RASA2: variants seen among roughly 807,000 people sequenced by gnomAD.
The protein encoded by RASA2 is ras GTPase-activating protein 2.
In RASA2, 155 loss-of-function variants were observed where a neutral mutation model predicts 118.2. That is an observed-to-expected ratio of 1.31 (90% confidence interval 1.15 to 1.50). The LOEUF is 1.50. RASA2 is among the 40% of genes most tolerant of loss of function. RASA2 has a pLI of 0.00. For synonymous variants in RASA2, 353 were observed against 349.1 expected (o/e 1.01, Z -0.12); for missense variants, 1,016 against 1,009.6 (o/e 1.01, Z -0.09).
At chr3:141,575,739 TA>T (rs1456524424) in intron 14 of RASA2, among the ~76,000 whole-genome samples, 1 of 152,228 alleles carries the variant, frequency 6.6e-6, no homozygotes, top group Non-Finnish European at 1.5e-5. Context: ...TTTAGCAGTT[TA>T]ATTCTTGTTT....
At chr3:141,608,724 A>AGT in intron 21 of RASA2, 27 bp downstream of exon 21, 1 of 1,586,094 alleles carries the variant, frequency 6.3e-7, no homozygotes, top group Non-Finnish European at 8.7e-7. Context: ...TTATAAAAGC[A>AGT]GTGTGTCAAA....
At chr3:141,495,311 T>C (rs928176840) in intron 1 of RASA2, among the ~76,000 whole-genome samples, 1 of 152,218 alleles carries the variant, frequency 6.6e-6, no homozygotes, top group Non-Finnish European at 1.5e-5. Context: ...ACTGGGCAGA[T>C]TGGCTCTAGA....
chr3:141,577,139 AT>A (rs2083025873), intron 15 of RASA2, 33 bp downstream of exon 15: 3 of 1,455,844 alleles, frequency 2.1e-6, no homozygotes, highest in South Asian at 2.5e-5. Context: ...GCTTTATTCC[AT>A]TTTTTTAATT....
At chr3:141,574,299 C>T (rs190995492) in intron 14 of RASA2, among the ~76,000 whole-genome samples, 1 of 152,120 alleles carries the variant, frequency 6.6e-6, no homozygotes, top group East Asian at 1.9e-4. Context: ...ATGCCATTCT[C>T]CTGCCTCAGC....
intron 19 of RASA2, among the ~76,000 whole-genome samples, chr3:141,587,845 G>A (rs1489218954): frequency 2.0e-5 from 3 of 150,978 alleles, no homozygotes; most frequent in Admixed American, 6.6e-5. Flanking sequence ...AAATGATCAG[G>A]ATCCAGAGAT....
chr3:141,541,815 T>C (rs1163299547), intron 5 of RASA2, among the ~76,000 whole-genome samples: 1 of 151,806 alleles, frequency 6.6e-6, no homozygotes, highest in African/African-American at 2.4e-5. Flanking sequence ...TAAACCAGTT[T>C]TTTTTTTTTT....
chr3:141,487,077 C>A lies in RASA2; in HGVS notation c.-7C>A. 1 of 1,334,684 alleles carries A rather than the reference C, an allele frequency of 7.5e-7. No homozygotes were observed. The highest frequency in any genetic ancestry group is 1.7e-5 in the South Asian group (1 of 59,096). 82.7% of individuals were successfully genotyped at this position (1,334,684 alleles called of 1,614,324 possible). A position where few individuals can be genotyped will look rare whatever the true frequency, so the allele number is the denominator to read the frequency against. On this transcript the variant is annotated 5_prime_UTR_variant, in exon 1 of 24. Transcript: ENST00000286364. ...CGGCAGGGCTGCGGCACGGGCCGGG[C>A]GGCACCATGGCGGCGGCGGCGCCTG...
intron 20 of RASA2, 129 bp downstream of exon 20, chr3:141,607,889 T>G: frequency 8.9e-7 from 1 of 1,124,658 alleles, no homozygotes; most frequent in Non-Finnish European, 1.2e-6. Flanking sequence ...ATTCAAATTT[T>G]CAAGAAGTTG....
At chr3:141,559,243 T>G (rs2082694241) in intron 8 of RASA2, among the ~76,000 whole-genome samples, 1 of 152,156 alleles carries the variant, frequency 6.6e-6, no homozygotes, top group Non-Finnish European at 1.5e-5. Flanking sequence ...TTCCTTACAT[T>G]TCTGGATTAT....
At chr3:141,534,017 A>G (rs1490704657) in intron 4 of RASA2, among the ~76,000 whole-genome samples, 1 of 152,024 alleles carries the variant, frequency 6.6e-6, no homozygotes, top group Non-Finnish European at 1.5e-5. Flanking sequence ...GATCCTGTTT[A>G]TGGTCCTAGT....
chr3:141,549,472 A>AGTGTGTGTGCGT lies in RASA2; in HGVS notation c.528-4376_528-4375insCGTGTGTGTGTG, dbSNP rs1553790597. On this transcript the variant is annotated intron_variant, in intron 5 of 23. Coordinates refer to ENST00000286364, the MANE Select transcript of RASA2 (RefSeq NM_006506.5). The stretch of plus-strand genomic sequence containing the variant: ...AAAAATAGTGGTAGGAGTGTGTATG[A>AGTGTGTGTGCGT]GTGTGTGTGTGCGTGTGTGTGTGTG... Among the ~76,000 whole-genome samples the AGTGTGTGTGCGT allele has an allele frequency of 2.6e-3, 348 of 134,808 alleles. 1 individual carries two copies. Among genetic ancestry groups the AGTGTGTGTGCGT allele is most frequent in the African/African-American group, 9.5e-3 (329 of 34,776 alleles). The allele number at this position is 134,808 out of a possible 152,430, so 88.4% of individuals were successfully genotyped here. A position where few individuals can be genotyped will look rare whatever the true frequency, so the allele number is the denominator to read the frequency against.
At chr3:141,605,965 G>C (rs962209517) in intron 19 of RASA2, among the ~76,000 whole-genome samples, 1 of 152,146 alleles carries the variant, frequency 6.6e-6, no homozygotes, top group African/African-American at 2.4e-5. Flanking sequence ...CTGCTCTGCA[G>C]CCCAGTATGC....
chr3:141,497,449 G>A (rs1044367041), intron 1 of RASA2, among the ~76,000 whole-genome samples: 5 of 152,066 alleles, frequency 3.3e-5, no homozygotes, highest in Non-Finnish European at 5.9e-5. Context: ...TTAATCTTAA[G>A]CTGTGCCAGT....
At chr3:141,499,502 G>T (rs2081748681) in intron 1 of RASA2, among the ~76,000 whole-genome samples, 1 of 152,156 alleles carries the variant, frequency 6.6e-6, no homozygotes, top group Non-Finnish European at 1.5e-5. Context: ...TATTCCTAGA[G>T]TCCTGTGCCC....
At chr3:141,605,653 C>G (rs1490623011) in intron 19 of RASA2, among the ~76,000 whole-genome samples, 1 of 151,750 alleles carries the variant, frequency 6.6e-6, no homozygotes, top group African/African-American at 2.4e-5. Context: ...AGACATAGGT[C>G]TCTTCCCCCC....
intron 3 of RASA2, among the ~76,000 whole-genome samples, chr3:141,521,491 A>G (rs994652049): frequency 6.6e-6 from 1 of 152,196 alleles, no homozygotes; most frequent in Non-Finnish European, 1.5e-5. Context: ...TCGTCTCTTT[A>G]CATGTTATAA....
rs754116774 is a variant in RASA2 at position 141,607,761 on chromosome 3, G to C, written c.2016+1G>C. 6.4e-7 allele frequency: 1 copy of C among 1,571,362 alleles called. No individual in the cohort carries two copies. Among genetic ancestry groups the C allele is most frequent in the East Asian group, 2.3e-5 (1 of 43,452 alleles). ...AGAGAGCTCTTTCAACAAGAAAAAT[G>C]TAAGTTATGTAAATAAATATTTAAA... On this transcript the variant is annotated splice_donor_variant, in intron 20 of 23. Coordinates refer to ENST00000286364, the MANE Select transcript of RASA2 (RefSeq NM_006506.5). LOFTEE classifies it high-confidence loss of function.
intron 1 of RASA2, among the ~76,000 whole-genome samples, chr3:141,493,600 T>C (rs2081664109): frequency 6.6e-6 from 1 of 151,536 alleles, no homozygotes; most frequent in Admixed American, 6.5e-5. Flanking sequence ...CCTGCTGTGC[T>C]ATCATTTAAA....
intron 1 of RASA2, among the ~76,000 whole-genome samples, chr3:141,493,601 A>G (rs1050978812): frequency 9.2e-5 from 14 of 151,450 alleles, no homozygotes; most frequent in South Asian, 2.1e-4. Flanking sequence ...CTGCTGTGCT[A>G]TCATTTAAAA....
Sources: allele counts gnomAD v4.1 joint callset (sites outside exome capture counted in the v4.1 genomes callset), GRCh38; gene constraint gnomAD v4.1.1; transcripts MANE v1.5; gene names NCBI Gene and HGNC (gene_info 2026-07-23, HGNC 2026-07-21).